GABRG1: variants seen among roughly 807,000 people sequenced by gnomAD.
GABRG1 encodes gamma-aminobutyric acid receptor subunit gamma-1.
In GABRG1, 49 loss-of-function variants were observed where a neutral mutation model predicts 49.8. That is an observed-to-expected ratio of 0.98 (90% CI 0.78 to 1.25). GABRG1 has a LOEUF of 1.25. GABRG1 is among the 50% of genes most tolerant of loss of function. The pLI is 0.00. For synonymous variants in GABRG1, 232 were observed against 185.1 expected, an observed-to-expected ratio of 1.25 and a Z score of -2.06; for missense variants, 552 against 552.3, an observed-to-expected ratio of 1.00 and a Z score of 0.01.
At chr4:46,047,301 T>C (rs1718036959) in intron 8 of GABRG1, among the ~76,000 whole-genome samples, 1 of 152,138 alleles carries the variant, frequency 6.6e-6, no homozygotes. Context: ...CCAGCTGACA[T>C]AGTTCCCTCT....
At chr4:46,108,249 G>T (rs1720616375) in intron 1 of GABRG1, among the ~76,000 whole-genome samples, 1 of 150,926 alleles carries the variant, frequency 6.6e-6, no homozygotes, top group Admixed American at 6.6e-5. Flanking sequence ...CAAGCATTAT[G>T]GCCTGTCAGG....
intron 1 of GABRG1, among the ~76,000 whole-genome samples, chr4:46,123,194 C>T (rs1201805194): frequency 7.0e-6 from 1 of 142,426 alleles, no homozygotes; most frequent in Admixed American, 6.8e-5. Flanking sequence ...GATGGACAGC[C>T]AATTTTAAAA....
At chr4:46,097,104 A>G (rs1321350797) in intron 2 of GABRG1, 97 bp downstream of exon 2, 9 of 1,059,230 alleles carry the variant, frequency 8.5e-6, no homozygotes, top group Non-Finnish European at 1.2e-5. Context: ...TCTGACATAC[A>G]TCAGACACTC....
intron 1 of GABRG1, among the ~76,000 whole-genome samples, chr4:46,104,023 A>C (rs1004667790): frequency 6.6e-6 from 1 of 151,416 alleles, no homozygotes; most frequent in Non-Finnish European, 1.5e-5. Flanking sequence ...ACGTTTAGAT[A>C]TCTTCATGTC....
chr4:46,079,413 A>G (rs1351604735), intron 3 of GABRG1, among the ~76,000 whole-genome samples: 5 of 151,948 alleles, frequency 3.3e-5, no homozygotes, highest in African/African-American at 1.2e-4. Flanking sequence ...CAGCAGGAAG[A>G]TTCTATCTAG....
chr4:46,079,989 T>G (rs1049702271), intron 3 of GABRG1, among the ~76,000 whole-genome samples: 13 of 151,956 alleles, frequency 8.6e-5, no homozygotes, highest in Non-Finnish European at 1.6e-4. Flanking sequence ...TATATAAAAT[T>G]GAACAGCTTC....
At chr4:46,103,271 G>A (rs1720439398) in intron 1 of GABRG1, among the ~76,000 whole-genome samples, 1 of 127,670 alleles carries the variant, frequency 7.8e-6, no homozygotes, top group Non-Finnish European at 1.7e-5. Context: ...ATAATTGCAA[G>A]TGAAATTGAT....
chr4:46,072,388 A>G (rs1205265262), intron 3 of GABRG1, among the ~76,000 whole-genome samples: 2 of 152,092 alleles, frequency 1.3e-5, no homozygotes, highest in Non-Finnish European at 2.9e-5. Context: ...ATGTAAAATT[A>G]ACCATCACAG....
At position 46,069,218 on chromosome 4, in the gene GABRG1, A is replaced by G. The variant is rs191117211; in HGVS notation, c.322-3634T>C. Among the ~76,000 whole-genome samples the G allele has an allele frequency of 5.0e-4, 76 of 152,160 alleles. No homozygotes were observed. In the Middle Eastern group the frequency reaches 0.014, roughly 27 times the overall value. ...GCAATTAACCTAGGTGCATAATTTC[A>G]TCATAAAATTTGATTGATCCTGATT... On this transcript the variant is annotated intron_variant, in intron 3 of 8. Coordinates refer to ENST00000295452, the MANE Select transcript of GABRG1 (RefSeq NM_173536.4).
intron 5 of GABRG1, among the ~76,000 whole-genome samples, chr4:46,059,604 G>A (rs549628077): frequency 3.3e-5 from 5 of 151,884 alleles, no homozygotes; most frequent in African/African-American, 1.2e-4. Flanking sequence ...TTAGAGACAG[G>A]GTTTTGCCAT....
At chr4:46,048,232 T>C (rs1331805807) in intron 8 of GABRG1, among the ~76,000 whole-genome samples, 3 of 151,998 alleles carry the variant, frequency 2.0e-5, no homozygotes, top group African/African-American at 7.2e-5. Context: ...TTCTTGAAAA[T>C]AAATGTTGGC....
chr4:46,039,819 C>G lies in GABRG1; in HGVS notation c.*1169G>C, dbSNP rs995045600. The G allele has an allele frequency of 1.3e-5, 2 of 151,510 alleles. No individual in the cohort carries two copies. Among genetic ancestry groups the G allele is most frequent in the Non-Finnish European group, 3.0e-5 (2 of 67,736 alleles). 9.4% of individuals were successfully genotyped at this position (151,510 alleles called of 1,614,324 possible). A position where few individuals can be genotyped will look rare whatever the true frequency, so the allele number is the denominator to read the frequency against. ...AAAGATGCCTCTAACAAAACTCCCT[C>G]TTTAACATGATTTTGAGGCTGCCCC... On this transcript the variant is annotated 3_prime_UTR_variant, in exon 9 of 9. Coordinates refer to ENST00000295452, the MANE Select transcript of GABRG1 (RefSeq NM_173536.4).
At position 46,123,978 on chromosome 4, in the gene GABRG1, C is replaced by T. The variant is rs1319687316; in HGVS notation, c.-65G>A. 2.4e-6 allele frequency: 3 copies of T among 1,233,914 alleles called. No homozygotes were observed. The highest frequency in any genetic ancestry group is 1.8e-5 in the Admixed American group (1 of 55,940). 76.4% of individuals were successfully genotyped at this position (1,233,914 alleles called of 1,614,324 possible). On this transcript the variant is annotated 5_prime_UTR_variant, in exon 1 of 9. Coordinates refer to ENST00000295452, the MANE Select transcript of GABRG1 (RefSeq NM_173536.4). ...TCCCAGCCAGGACTTTTCCTCCCAC[C>T]TCAGCAGCAGCTGGCTGAGTACAGA...
chr4:46,083,639 T>C (rs1719651533), intron 3 of GABRG1, among the ~76,000 whole-genome samples: 3 of 151,600 alleles, frequency 2.0e-5, no homozygotes, highest in African/African-American at 7.3e-5. Context: ...CTGCTTTCTC[T>C]GCCAGTAAGT....
At chr4:46,079,711 T>A (rs1719495986) in intron 3 of GABRG1, among the ~76,000 whole-genome samples, 1 of 151,870 alleles carries the variant, frequency 6.6e-6, no homozygotes, top group African/African-American at 2.4e-5. Flanking sequence ...ACCCATAATA[T>A]CATCTTGAAT....
In GABRG1 at chr4:46,117,843, C is replaced by CAT. The variant is rs532938956; in HGVS notation, c.104+5965_104+5966dup. 2.4e-3 allele frequency among the ~76,000 whole-genome samples: 225 copies of CAT among 93,094 alleles called. 1 individual carries two copies. Among genetic ancestry groups the CAT allele is most frequent in the African/African-American group, 9.7e-3 (153 of 15,832 alleles). The allele number at this position is 93,094 out of a possible 152,430, so 61.1% of individuals were successfully genotyped here. A position where few individuals can be genotyped will look rare whatever the true frequency, so the allele number is the denominator to read the frequency against. ...CTATATACATATATACATATGTATA[C>CAT]ATGTGTATCTATATACATATATACA... On this transcript the variant is annotated intron_variant, in intron 1 of 8. Coordinates refer to ENST00000295452, the MANE Select transcript of GABRG1 (RefSeq NM_173536.4).
intron 5 of GABRG1, among the ~76,000 whole-genome samples, chr4:46,062,156 T>A (rs1392409294): frequency 1.3e-5 from 2 of 151,674 alleles, no homozygotes; most frequent in Non-Finnish European, 2.9e-5. Flanking sequence ...GATAGTTTAC[T>A]GAGAATGATG....
chr4:46,043,712 A>C (rs1167029503), intron 8 of GABRG1, among the ~76,000 whole-genome samples: 1 of 152,086 alleles, frequency 6.6e-6, no homozygotes, highest in Non-Finnish European at 1.5e-5. Context: ...ATTGAATAGA[A>C]TATTCTACCT....
chr4:46,046,473 A>G (rs1009394045), intron 8 of GABRG1, among the ~76,000 whole-genome samples: 13 of 152,122 alleles, frequency 8.5e-5, no homozygotes, highest in African/African-American at 3.1e-4. Flanking sequence ...CATTTCACCA[A>G]TATCACATAA....
Sources: gnomAD v4.1 joint callset for allele counts (sites outside exome capture counted in the v4.1 genomes callset) on GRCh38, gnomAD v4.1.1 for gene constraint, MANE v1.5 for transcripts, NCBI Gene and HGNC (gene_info 2026-07-23, HGNC 2026-07-21) for gene names.